Variants in GMIP observed in about 807,000 individuals in gnomAD.
GMIP encodes GEM interacting protein.
A neutral mutation model predicts 105.3 loss-of-function variants in GMIP; 54 were observed. That is an observed-to-expected ratio of 0.51 (90% confidence interval 0.41 to 0.64). The LOEUF is 0.64. GMIP is among the 30% of genes least tolerant of loss of function. GMIP has a pLI of 0.00. For missense variants in GMIP, 1,110 were observed against 1,319.4 expected, an observed-to-expected ratio of 0.84 and a Z score of 2.46; for synonymous variants, 541 against 560.8, an observed-to-expected ratio of 0.96 and a Z score of 0.50.
Position 19,637,830 on chromosome 19 carries a change from G to T in GMIP, c.927+90C>A. 2.2e-6 allele frequency: 3 copies of T among 1,368,254 alleles called. No homozygotes were observed. Among genetic ancestry groups the T allele is most frequent in the South Asian group, 1.4e-5 (1 of 73,612 alleles). 84.8% of individuals were successfully genotyped at this position (1,368,254 alleles called of 1,614,324 possible). On this transcript the variant is annotated intron_variant, in intron 10 of 20. Coordinates refer to ENST00000203556, the MANE Select transcript of GMIP (RefSeq NM_016573.4). This position sits in a 1 kb window ranked among gnomAD's most constrained non-coding sequence, Gnocchi z 6.7. ...TCGAGGGAAATGGCCTAGTCCTGGTGTCTCCAGGGTGGCTTAGGGGCGAGG... is the reference window on the plus strand; with the variant it reads ...TCGAGGGAAATGGCCTAGTCCTGGTTTCTCCAGGGTGGCTTAGGGGCGAGG...
Position 19,637,986 on chromosome 19 carries a change from G to A in GMIP, c.861C>T (p.Ile287=), listed in dbSNP as rs777004194. The A allele has an allele frequency of 1.1e-5, 18 of 1,610,936 alleles. No homozygotes were observed. The Admixed American group carries it at 1.8e-4, about 16-fold the overall frequency. The part of the protein sequence containing the change: ...EANARQQDLE[I]AKQRIVSHVR... ...CGTGCGACACGATTCGCTGCTTGGC[G>A]ATCTCCAGGTCCTGCTGCCGCGCGT... is the stretch of plus-strand genomic sequence containing the variant. The change falls in exon 10 of 21, where the codon ATC becomes ATT. Residue 287 remains isoleucine, a synonymous_variant. Coordinates refer to ENST00000203556, the MANE Select transcript of GMIP (RefSeq NM_016573.4). This position sits in a 1 kb window ranked among gnomAD's most constrained non-coding sequence, Gnocchi z 6.7.
At position 19,636,994 on chromosome 19, in the gene GMIP, G is replaced by T; in HGVS notation, c.1160C>A (p.Pro387His). Residue 387 changes from proline to histidine, a missense_variant, in exon 12 of 21, where the codon CCT becomes CAT. Physicochemically the swap from Pro to His is moderately conservative, Grantham distance 77. Around this residue, in one of 3 missense-constraint regions of GMIP, gnomAD observed 667 missense variants for 773.2 expected, o/e 0.86. Transcript: ENST00000203556. ...PLDIRKKLSG[P>H]LPPRLDENSA... ...ATTCTCATCCAGCCTTGGAGGAAGA[G>T]GCCCAGAGAGCTTCTTTCTGATGTC... 6.3e-7 allele frequency: 1 copy of T among 1,578,644 alleles called. No homozygotes were observed. Among genetic ancestry groups the T allele is most frequent in the South Asian group, 1.2e-5 (1 of 86,492 alleles).
At chr19:19,638,114 C>G in intron 9 of GMIP, 45 bp downstream of exon 9, 2 of 1,556,776 alleles carry the variant, frequency 1.3e-6, no homozygotes, top group African/African-American at 2.7e-5. Context: ...GAGTGGAGGG[C>G]AGGGGGCGCC....
chr19:19,643,450 C>T, intron 1 of GMIP, 61 bp downstream of exon 1: 7 of 1,431,088 alleles, frequency 4.9e-6, no homozygotes, highest in Non-Finnish European at 6.7e-6. Context: ...AAGTGTGTGC[C>T]CTCAATGTAG....
At chr19:19,632,762 C>A (rs1195360597) in intron 19 of GMIP, among the ~76,000 whole-genome samples, 5 of 152,268 alleles carry the variant, frequency 3.3e-5, no homozygotes, top group Non-Finnish European at 2.9e-5. Flanking sequence ...GCTGGCAGAG[C>A]CACCTGGGCC....
At position 19,637,807 on chromosome 19, in the gene GMIP, G is replaced by T; in HGVS notation, c.927+113C>A. The T allele has an allele frequency of 1.7e-6, 2 of 1,195,598 alleles. No homozygotes were observed. Among genetic ancestry groups the T allele is most frequent in the Non-Finnish European group, 2.3e-6 (2 of 853,346 alleles). 74.1% of individuals were successfully genotyped at this position (1,195,598 alleles called of 1,614,324 possible). ...GGTCTGGGGGCGGGAACTGGCTGTC[G>T]AGGGAAATGGCCTAGTCCTGGTGTC... On this transcript the variant is annotated intron_variant, in intron 10 of 20. Coordinates refer to ENST00000203556, the MANE Select transcript of GMIP (RefSeq NM_016573.4). The surrounding 1 kb of genome is among the most constrained non-coding windows in gnomAD (Gnocchi z 6.7).
Position 19,640,591 on chromosome 19 carries a change from C to A in GMIP, c.239-20G>T, listed in dbSNP as rs750164965. ...CCTCCCCTGGGGAAGATGGATGGAC[C>A]TCTGACCTTTGCACCCTAGTCTGCT... On this transcript the variant is annotated intron_variant, in intron 4 of 20. Coordinates refer to ENST00000203556, the MANE Select transcript of GMIP (RefSeq NM_016573.4). 4 of 1,613,540 alleles carry A rather than the reference C, an allele frequency of 2.5e-6. No individual in the cohort carries two copies. The South Asian group carries it at 3.3e-5, about 13-fold the overall frequency.
intron 19 of GMIP, among the ~76,000 whole-genome samples, chr19:19,632,071 G>A (rs551989299): frequency 4.5e-4 from 67 of 147,964 alleles, no homozygotes; most frequent in African/African-American, 1.5e-3. Context: ...AGGGCGGATC[G>A]CCTGAGGTCA....
chr19:19,643,410 C>A, intron 1 of GMIP, 101 bp downstream of exon 1: 1 of 1,133,388 alleles, frequency 8.8e-7, no homozygotes, highest in Non-Finnish European at 1.3e-6. Flanking sequence ...TTCAGGAACT[C>A]CTCTCCTGGC....
chr19:19,641,991 G>A lies in GMIP; in HGVS notation c.165C>T (p.Thr55=), dbSNP rs2061925878. ...LLSEDPEPDK[T]PTATVTNEAS... is the part of the protein sequence containing the mutation. ...CCCCACTCACAACAGTGGCTGTAGG[G>A]GTCTTGTCAGGTTCTGGGTCTTCTG... Residue 55 remains threonine, a synonymous_variant, in exon 3 of 21, where the codon ACC becomes ACT. Coordinates refer to ENST00000203556, the MANE Select transcript of GMIP (RefSeq NM_016573.4). 6.2e-7 allele frequency: 1 copy of A among 1,613,044 alleles called. No individual in the cohort carries two copies. The highest frequency in any genetic ancestry group is 8.5e-7 in the Non-Finnish European group (1 of 1,179,044).
rs764931652 is a variant in GMIP, at chr19:19,633,858, G to C, written c.2417C>G (p.Pro806Arg). 1.3e-6 allele frequency: 2 copies of C among 1,500,982 alleles called. No homozygotes were observed. The highest frequency in any genetic ancestry group is 4.8e-5 in the Admixed American group (2 of 42,018). 93.0% of individuals were successfully genotyped at this position (1,500,982 alleles called of 1,614,324 possible). ...QPPVLASDPG[P>R]DPQHHSTLEQ... ...CAGGGTACTGTGGTGCTGGGGGTCTGGGCCGGGGTCTGAGGCTAGGACTGG... is the reference window on the plus strand; with the variant it reads ...CAGGGTACTGTGGTGCTGGGGGTCTCGGCCGGGGTCTGAGGCTAGGACTGG... Residue 806 changes from proline (P) to arginine (R), a missense_variant, in exon 19 of 21, where the codon CCA (proline) becomes CGA (arginine). Coordinates refer to ENST00000203556, the MANE Select transcript of GMIP (RefSeq NM_016573.4).
intron 19 of GMIP, among the ~76,000 whole-genome samples, chr19:19,633,024 C>T (rs2061812028): frequency 6.6e-6 from 1 of 152,006 alleles, no homozygotes; most frequent in African/African-American, 2.4e-5. Flanking sequence ...CCACCTCCCA[C>T]CGTGCTGCTC....
In GMIP at chr19:19,635,653, G is replaced by A. The variant is rs138995642; in HGVS notation, c.1396C>T (p.Arg466Ter). 7.7e-5 allele frequency: 124 copies of A among 1,613,852 alleles called. No individual in the cohort carries two copies. The highest frequency in any genetic ancestry group is 1.2e-4 in the Admixed American group (7 of 59,998). The part of the protein sequence containing the change: ...GTESSDDFEE[R>*]DPDLGDGLEN... ...CCTGCTTCAGCCTCACCAGGGTCTC[G>A]CTCCTCAAAGTCATCTGAGGACTCA... The change falls in exon 14 of 21, where the codon CGA (arginine) becomes TGA (stop). Residue 466 changes from arginine to a stop codon, truncating the protein, a stop_gained. Transcript: ENST00000203556. LOFTEE classifies it high-confidence loss of function. This position sits in a 1 kb window ranked among gnomAD's most constrained non-coding sequence, Gnocchi z 4.7.
chr19:19,643,377 G>A (rs1177914700), intron 1 of GMIP, 134 bp downstream of exon 1: 4 of 787,574 alleles, frequency 5.1e-6, no homozygotes, highest in Non-Finnish European at 8.1e-6. Flanking sequence ...TCCCCACAAT[G>A]GAGGATCCCT....
chr19:19,640,676 G>T, intron 4 of GMIP, 105 bp from the exon 5 acceptor site: 1 of 1,130,108 alleles, frequency 8.8e-7, no homozygotes, highest in Non-Finnish European at 1.3e-6. Context: ...CAGCCTCACA[G>T]CTCCCCAAAC....
rs1599403765 is a variant in GMIP at position 19,633,950 on chromosome 19, T to G, written c.2325A>C (p.Pro775=). The change falls in exon 19 of 21, where the codon CCA becomes CCC. Residue 775 remains proline (P), a synonymous_variant. Coordinates refer to ENST00000203556, the MANE Select transcript of GMIP (RefSeq NM_016573.4). ...ATEPPPQDSS[P]APGPLTTSSQ... The stretch of plus-strand genomic sequence containing the variant: ...AGCTGGTTGTGAGGGGCCCAGGGGC[T>G]GGGCTGGAGTCTTGGGGCGGGGGCT... 1 of 1,274,970 alleles carries G rather than the reference T, an allele frequency of 7.8e-7. No homozygotes were observed. Among genetic ancestry groups the G allele is most frequent in the African/African-American group, 2.3e-5 (1 of 42,698 alleles). The allele number at this position is 1,274,970 out of a possible 1,614,324, so 79.0% of individuals were successfully genotyped here.
Position 19,637,286 on chromosome 19 carries a change from G to T in GMIP, c.1124+79C>A. The T allele has an allele frequency of 9.7e-7, 1 of 1,033,312 alleles. No homozygotes were observed. Among genetic ancestry groups the T allele is most frequent in the South Asian group, 1.6e-5 (1 of 62,164 alleles). 64.0% of individuals were successfully genotyped at this position (1,033,312 alleles called of 1,614,324 possible). ...CTAAGGCTTTGCGTTCTCTAACCTC[G>T]AGTAACCAGCCTGCGGTGCCAACAG... On this transcript the variant is annotated intron_variant, in intron 11 of 20. Coordinates refer to ENST00000203556, the MANE Select transcript of GMIP (RefSeq NM_016573.4). The surrounding 1 kb of genome is among the most constrained non-coding windows in gnomAD (Gnocchi z 6.7).
Position 19,637,429 on chromosome 19 carries a change from G to A in GMIP, c.1060C>T (p.Pro354Ser), listed in dbSNP as rs538584280. Residue 354 changes from proline to serine, a missense_variant, in exon 11 of 21, where the codon CCC (proline) becomes TCC (serine). This residue lies in a region of GMIP where 667 missense variants were observed against 773.2 expected (regional missense o/e 0.86). Coordinates refer to ENST00000203556, the MANE Select transcript of GMIP (RefSeq NM_016573.4). The surrounding 1 kb of genome is among the most constrained non-coding windows in gnomAD (Gnocchi z 6.7). ...RYQEFVRALR[P>S]EAPPPPPPAF... ...GGCGGCGGGGGCGGCGGGGCCTCGG[G>A]CCGCAGCGCCCGTACAAACTCCTGG... 18 of 1,494,642 alleles carry A rather than the reference G, an allele frequency of 1.2e-5. No individual in the cohort carries two copies. The South Asian group carries it at 2.1e-4, about 18-fold the overall frequency. 92.6% of individuals were successfully genotyped at this position (1,494,642 alleles called of 1,614,324 possible).
chr19:19,643,534 G>T lies in GMIP; in HGVS notation c.-5C>A. 6.5e-7 allele frequency: 1 copy of T among 1,547,480 alleles called. No homozygotes were observed. Among genetic ancestry groups the T allele is most frequent in the South Asian group, 1.2e-5 (1 of 83,730 alleles). ...ACCCGGCTCTGCTGCGTCCATATCT[G>T]GGCCCGGGGATCGCTCTGCAGGGAC... On this transcript the variant is annotated 5_prime_UTR_variant, in exon 1 of 21. Transcript: ENST00000203556.
Sources: gnomAD v4.1 joint callset for allele counts (sites outside exome capture counted in the v4.1 genomes callset) on GRCh38, gnomAD v4.1.1 for gene constraint, gnomAD v4.1.1 regional missense constraint, Gnocchi (gnomAD v3.1) non-coding constraint, MANE v1.5 for transcripts, NCBI Gene and HGNC (gene_info 2026-07-23, HGNC 2026-07-21) for gene names.